The following THEMIS variants were observed in gnomAD, a reference collection of about 807,000 sequenced individuals.
THEMIS encodes the protein thymocyte selection associated, also known as protein THEMIS.
Under a neutral mutation model 52.6 loss-of-function variants are expected in THEMIS, and 37 were observed. The observed-to-expected ratio is 0.70, with a 90% confidence interval of 0.54 to 0.93. The LOEUF (loss-of-function observed/expected upper bound fraction) is 0.93. Among genes scored for constraint, THEMIS ranks in the 40% least tolerant of loss-of-function variants. The pLI, the probability that THEMIS is intolerant of heterozygous loss-of-function variation, is 0.00. For synonymous variants in THEMIS, 292 were observed against 272.7 expected, an observed-to-expected ratio of 1.07 and a Z score of -0.70; for missense variants, 808 against 763.1, an observed-to-expected ratio of 1.06 and a Z score of -0.69.
upstream of THEMIS, among the ~76,000 whole-genome samples, chr6:127,904,966 CTCTA>C (rs952093972): frequency 8.4e-4 from 126 of 149,440 alleles, no homozygotes; most frequent in East Asian, 4.1e-3. Context: ...CTCTCTCTCT[CTCTA>C]TCTATCTATC....
chr6:127,748,512 T>A (rs1775526330), intron 4 of THEMIS, among the ~76,000 whole-genome samples: 1 of 152,070 alleles, frequency 6.6e-6, no homozygotes, highest in African/African-American at 2.4e-5. Context: ...GCAGTAGTAC[T>A]TCCTCTTAAT....
intron 1 of THEMIS, among the ~76,000 whole-genome samples, chr6:127,890,195 AG>A (rs1299849021): frequency 6.6e-6 from 1 of 152,170 alleles, no homozygotes; most frequent in Non-Finnish European, 1.5e-5. Flanking sequence ...ATTCAAAACA[AG>A]CACTAAAATA....
chr6:127,773,737 G>C (rs1301836685), intron 4 of THEMIS, among the ~76,000 whole-genome samples: 2 of 151,978 alleles, frequency 1.3e-5, no homozygotes, highest in African/African-American at 4.8e-5. Context: ...TCTAATATTG[G>C]TGGCTACCGA....
chr6:127,727,448 G>A (rs1448183707), intron 4 of THEMIS, among the ~76,000 whole-genome samples: 4 of 152,158 alleles, frequency 2.6e-5, no homozygotes, highest in East Asian at 1.9e-4. Context: ...CCAGCAGGGC[G>A]ACAGTTGCTG....
chr6:127,897,521 A>T (rs1781005724), intron 1 of THEMIS, among the ~76,000 whole-genome samples: 2 of 151,512 alleles, frequency 1.3e-5, no homozygotes, highest in Non-Finnish European at 3.0e-5. Context: ...TATTTCCAAA[A>T]ATCCAAGAAA....
chr6:127,729,140 TTC>T lies in THEMIS; in HGVS notation c.1759-9319_1759-9318del, dbSNP rs35400135. 4.0e-3 allele frequency among the ~76,000 whole-genome samples: 418 copies of T among 105,180 alleles called. 1 individual carries two copies. Among genetic ancestry groups the T allele is most frequent in the East Asian group, 0.014 (24 of 1,754 alleles). 69.0% of individuals were successfully genotyped at this position (105,180 alleles called of 152,430 possible). A position where few individuals can be genotyped will look rare whatever the true frequency, so the allele number is the denominator to read the frequency against. On this transcript the variant is annotated intron_variant, in intron 4 of 5. Coordinates refer to ENST00000368248, the MANE Select transcript of THEMIS (RefSeq NM_001010923.3). ...CCATTCTACTCCCTTTACCAATTTA[TTC>T]TCTCTCTCTCTCTCTCTCTCTCTCT...
chr6:127,821,003 AGT>A (rs1315616028), intron 3 of THEMIS, among the ~76,000 whole-genome samples: 5 of 152,010 alleles, frequency 3.3e-5, no homozygotes, highest in African/African-American at 7.2e-5. Context: ...CAACACTTAT[AGT>A]GTTGTTTTTC....
At chr6:127,882,742 C>T (rs2114435382) in intron 1 of THEMIS, among the ~76,000 whole-genome samples, 1 of 151,720 alleles carries the variant, frequency 6.6e-6, no homozygotes, top group East Asian at 1.9e-4. Context: ...TAAAAAAAAG[C>T]TTTTGTTTTG....
chr6:127,787,595 T>C (rs1776994828), intron 4 of THEMIS, among the ~76,000 whole-genome samples: 1 of 152,178 alleles, frequency 6.6e-6, no homozygotes, highest in South Asian at 2.1e-4. Flanking sequence ...AAACATATTA[T>C]TACTGGGATC....
intron 1 of THEMIS, among the ~76,000 whole-genome samples, chr6:127,913,117 G>A (rs950293414): frequency 1.3e-5 from 2 of 152,086 alleles, no homozygotes; most frequent in African/African-American, 2.4e-5. Context: ...GGCCAGATTA[G>A]GTCACAGGAC....
chr6:127,860,895 A>T (rs1779777155), intron 1 of THEMIS, among the ~76,000 whole-genome samples: 2 of 152,140 alleles, frequency 1.3e-5, no homozygotes, highest in South Asian at 4.1e-4. Context: ...CTGTACTAAG[A>T]GGGCTTACAA....
At position 127,824,427 on chromosome 6, in the gene THEMIS, G is replaced by A. The variant is rs1778436166; in HGVS notation, c.709+5049C>T. ...AAACCTAAATTTGAGGAATGCTGCA[G>A]TGAAAAAGTTGGCAGGATAATATCT... On this transcript the variant is annotated intron_variant, in intron 3 of 5. Transcript: ENST00000368248. 3.9e-5 allele frequency among the ~76,000 whole-genome samples: 6 copies of A among 152,090 alleles called. No individual in the cohort carries two copies. The South Asian group carries it at 1.2e-3, about 31-fold the overall frequency.
intron 2 of THEMIS, among the ~76,000 whole-genome samples, chr6:127,847,457 T>C (rs187229504): frequency 1.3e-5 from 2 of 152,100 alleles, no homozygotes; most frequent in Non-Finnish European, 2.9e-5. Context: ...AAAATCAATG[T>C]ACACAAATCA....
chr6:127,821,721 A>G (rs983999891), intron 3 of THEMIS, among the ~76,000 whole-genome samples: 1 of 152,030 alleles, frequency 6.6e-6, no homozygotes, highest in Non-Finnish European at 1.5e-5. Context: ...AGGGGACACC[A>G]CTAAAATTGT....
At chr6:127,725,723 C>T (rs915059978) in intron 4 of THEMIS, among the ~76,000 whole-genome samples, 4 of 152,072 alleles carry the variant, frequency 2.6e-5, no homozygotes, top group African/African-American at 9.7e-5. Context: ...CATACTCAAA[C>T]TGCCCTTTCT....
the THEMIS span, among the ~76,000 whole-genome samples, chr6:127,700,860 G>A: frequency 6.6e-6 from 1 of 151,894 alleles, no homozygotes; most frequent in Non-Finnish European, 1.5e-5. Context: ...ATTTATATGT[G>A]TAAAACATGT....
chr6:127,789,967 A>G (rs1027736654), intron 4 of THEMIS, among the ~76,000 whole-genome samples: 5 of 152,244 alleles, frequency 3.3e-5, no homozygotes, highest in Non-Finnish European at 5.9e-5. Context: ...AAACCAGCAC[A>G]AGACAAGGAT....
At chr6:127,788,099 A>G (rs12206913) in intron 4 of THEMIS, among the ~76,000 whole-genome samples, 5,989 of 152,232 alleles carry the variant, frequency 0.039, 146 homozygotes, top group Middle Eastern at 0.061. Flanking sequence ...TGGCTGGCAC[A>G]TTGACCCATC....
intron 4 of THEMIS, among the ~76,000 whole-genome samples, chr6:127,754,677 A>ACCT (rs1455122731): frequency 6.6e-6 from 1 of 152,164 alleles, no homozygotes; most frequent in Non-Finnish European, 1.5e-5. Flanking sequence ...GCCTTAAATT[A>ACCT]ATGAGAAAAT....
Sources: gnomAD v4.1 joint callset for allele counts (sites outside exome capture counted in the v4.1 genomes callset) on GRCh38, gnomAD v4.1.1 for gene constraint, MANE v1.5 for transcripts, NCBI Gene and HGNC (gene_info 2026-07-23, HGNC 2026-07-21) for gene names.